XPNPEP3: variants seen among roughly 807,000 people sequenced by gnomAD.
XPNPEP3 encodes X-prolyl aminopeptidase 3, also known as xaa-Pro aminopeptidase 3.
In XPNPEP3, 41 loss-of-function variants were observed where a neutral mutation model predicts 60.0. The ratio of observed to expected loss-of-function variants is 0.68; its 90% CI spans 0.53 to 0.89. XPNPEP3 has a LOEUF of 0.89. Ranked by LOEUF, XPNPEP3 falls within the 40% of genes least tolerant of loss-of-function variation. XPNPEP3 has a pLI of 0.00. For synonymous variants in XPNPEP3, 212 were observed against 223.2 expected, an observed-to-expected ratio of 0.95 and a Z score of 0.45; for missense variants, 598 against 638.9, an observed-to-expected ratio of 0.94 and a Z score of 0.69.
At chr22:40,909,755 G>A (rs2058170306) in intron 6 of XPNPEP3, among the ~76,000 whole-genome samples, 2 of 151,894 alleles carry the variant, frequency 1.3e-5, no homozygotes, top group African/African-American at 2.4e-5. Flanking sequence ...CCTGGGCTAT[G>A]GAGCAAGACT....
At chr22:40,894,162 C>T (rs949976008) in intron 4 of XPNPEP3, among the ~76,000 whole-genome samples, 2 of 152,110 alleles carry the variant, frequency 1.3e-5, no homozygotes, top group East Asian at 3.8e-4. Flanking sequence ...TGAGTAGCCA[C>T]TGCACTCACA....
chr22:40,894,149 C>T (rs1483362964), intron 4 of XPNPEP3, among the ~76,000 whole-genome samples: 1 of 152,166 alleles, frequency 6.6e-6, no homozygotes, highest in Admixed American at 6.6e-5. Flanking sequence ...ATGATCATTT[C>T]TGTGAGTAGC....
At chr22:40,912,344 C>G (rs1378113615) in intron 6 of XPNPEP3, among the ~76,000 whole-genome samples, 2 of 152,062 alleles carry the variant, frequency 1.3e-5, no homozygotes, top group Non-Finnish European at 2.9e-5. Context: ...TGTGATAGTA[C>G]CAAAGATTTC....
intron 8 of XPNPEP3, among the ~76,000 whole-genome samples, chr22:40,922,745 CATAT>C (rs200552752): frequency 1.3e-5 from 2 of 149,382 alleles, no homozygotes; most frequent in African/African-American, 5.1e-5. Context: ...CACACACACA[CATAT>C]ATATATACAC....
intron 1 of XPNPEP3, among the ~76,000 whole-genome samples, chr22:40,857,794 A>T: frequency 6.6e-6 from 1 of 152,218 alleles, no homozygotes; most frequent in Admixed American, 6.5e-5. Flanking sequence ...GATGAACATA[A>T]AGCTTAATCA....
chr22:40,861,019 A>G (rs747279994), intron 1 of XPNPEP3: 108 of 1,522,910 alleles, frequency 7.1e-5, no homozygotes, highest in Non-Finnish European at 9.2e-5. Flanking sequence ...TGATTAACCA[A>G]AACACACACA....
intron 3 of XPNPEP3, among the ~76,000 whole-genome samples, chr22:40,885,528 G>A (rs2058065268): frequency 6.6e-6 from 1 of 152,160 alleles, no homozygotes; most frequent in South Asian, 2.1e-4. Context: ...TCCAGAATGG[G>A]AGGAGAACCC....
At chr22:40,870,565 G>A (rs1463979279) in intron 2 of XPNPEP3, among the ~76,000 whole-genome samples, 3 of 152,040 alleles carry the variant, frequency 2.0e-5, no homozygotes, top group Non-Finnish European at 4.4e-5. Flanking sequence ...AGAATTATTA[G>A]TATTTTAAAC....
intron 9 of XPNPEP3, 113 bp downstream of exon 9, chr22:40,924,595 C>T (rs1190198362): frequency 2.6e-5 from 38 of 1,447,232 alleles, no homozygotes; most frequent in Non-Finnish European, 3.2e-5. Context: ...GTGATCTTCA[C>T]TCACTGCAAC....
At chr22:40,907,793 C>A in intron 5 of XPNPEP3, 144 bp downstream of exon 5, 2 of 815,876 alleles carry the variant, frequency 2.5e-6, no homozygotes, top group South Asian at 1.5e-5. Context: ...TATCACTGGT[C>A]ATTTATAAGT....
At chr22:40,883,815 T>G (rs888305596) in intron 3 of XPNPEP3, among the ~76,000 whole-genome samples, 1 of 152,196 alleles carries the variant, frequency 6.6e-6, no homozygotes, top group Non-Finnish European at 1.5e-5. Context: ...TTAAAAAACT[T>G]TAGCTCTGGG....
intron 2 of XPNPEP3, among the ~76,000 whole-genome samples, chr22:40,875,347 T>G (rs955243914): frequency 8.5e-5 from 13 of 152,258 alleles, no homozygotes; most frequent in African/African-American, 3.1e-4. Flanking sequence ...TTTTTTAAAT[T>G]TTTGTAGAGA....
intron 8 of XPNPEP3, 34 bp from the exon 9 acceptor site, chr22:40,924,328 G>A: frequency 1.2e-6 from 2 of 1,613,726 alleles, no homozygotes; most frequent in Non-Finnish European, 8.5e-7. Flanking sequence ...AGAGGTCATT[G>A]CTCTAATGAT....
At chr22:40,904,932 T>G (rs2058148767) in intron 4 of XPNPEP3, among the ~76,000 whole-genome samples, 1 of 151,936 alleles carries the variant, frequency 6.6e-6, no homozygotes, top group Non-Finnish European at 1.5e-5. Context: ...GCCCAGCAAA[T>G]TTTTTGTATT....
At chr22:40,881,662 G>C in intron 2 of XPNPEP3, 108 bp from the exon 3 acceptor site, 1 of 1,295,946 alleles carries the variant, frequency 7.7e-7, no homozygotes, top group South Asian at 1.2e-5. Flanking sequence ...GAGGAGATTT[G>C]GCATAAATTG....
intron 4 of XPNPEP3, among the ~76,000 whole-genome samples, chr22:40,891,481 C>T (rs1341449144): frequency 4.7e-5 from 7 of 149,706 alleles, no homozygotes; most frequent in African/African-American, 1.7e-4. Flanking sequence ...GGTGAAACCC[C>T]GTCTCTACTA....
intron 6 of XPNPEP3, among the ~76,000 whole-genome samples, chr22:40,910,270 T>C (rs1034772014): frequency 2.6e-5 from 4 of 152,182 alleles, no homozygotes; most frequent in African/African-American, 9.6e-5. Flanking sequence ...AACCTGAATT[T>C]TGTCTTTCCC....
At chr22:40,882,665 G>T (rs1278262230) in intron 3 of XPNPEP3, among the ~76,000 whole-genome samples, 1 of 151,544 alleles carries the variant, frequency 6.6e-6, no homozygotes, top group Non-Finnish European at 1.5e-5. Context: ...TTATTCATTT[G>T]CAGGAGGTTA....
intron 1 of XPNPEP3, chr22:40,859,628 GAATA>G (rs1444872629): frequency 6.6e-6 from 1 of 152,034 alleles, no homozygotes; most frequent in East Asian, 1.9e-4. Flanking sequence ...CTCTTCTATA[GAATA>G]AATAACCTTT....
Sources: allele counts gnomAD v4.1 joint callset (sites outside exome capture counted in the v4.1 genomes callset), GRCh38; gene constraint gnomAD v4.1.1; transcripts MANE v1.5; gene names NCBI Gene and HGNC (gene_info 2026-07-23, HGNC 2026-07-21).